Variants in RNLS observed in about 807,000 individuals in gnomAD.
The protein encoded by RNLS is renalase.
In RNLS, 39 loss-of-function variants were observed where a neutral mutation model predicts 39.8. The ratio of observed to expected loss-of-function variants is 0.98; its 90% CI spans 0.76 to 1.28. The LOEUF is 1.28. RNLS is among the 50% of genes most tolerant of loss of function. The probability of loss-of-function intolerance (pLI) is 0.00; values close to 1 mark genes in which losing one functional copy is unlikely to be tolerated. For synonymous variants in RNLS, 147 were observed against 150.7 expected, an observed-to-expected ratio of 0.98 and a Z score of 0.18; for missense variants, 410 against 413.3, an observed-to-expected ratio of 0.99 and a Z score of 0.07.
At chr10:88,563,012 T>A (rs1308687071) in intron 4 of RNLS, among the ~76,000 whole-genome samples, 5 of 152,146 alleles carry the variant, frequency 3.3e-5, no homozygotes, top group African/African-American at 1.2e-4. Context: ...TAATAAGTAA[T>A]GTGTAAGATC....
chr10:88,177,788 C>T, the RNLS span, among the ~76,000 whole-genome samples: 3 of 152,102 alleles, frequency 2.0e-5, no homozygotes, highest in Non-Finnish European at 4.4e-5. Context: ...GTAGGTTGCT[C>T]TGGCTTTGAT....
chr10:88,227,663 GT>G, the RNLS span, among the ~76,000 whole-genome samples: 1 of 152,214 alleles, frequency 6.6e-6, no homozygotes, highest in Non-Finnish European at 1.5e-5. Context: ...GAAAAGAAGA[GT>G]TTTAACCCTT....
At chr10:88,280,808 G>A (rs371124925), downstream of RNLS, among the ~76,000 whole-genome samples, 8 of 152,272 alleles carry the variant, frequency 5.3e-5, no homozygotes, top group East Asian at 3.9e-4. Context: ...GAGATCCATA[G>A]CTTTCTATAG....
the RNLS span, among the ~76,000 whole-genome samples, chr10:88,218,715 C>T: frequency 1.3e-5 from 2 of 152,226 alleles, no homozygotes; most frequent in African/African-American, 2.4e-5. Flanking sequence ...TCACCCCAAA[C>T]AAGGTGGCTG....
At chr10:88,466,029 G>A (rs946029383) in intron 4 of RNLS, among the ~76,000 whole-genome samples, 16 of 152,020 alleles carry the variant, frequency 1.1e-4, no homozygotes, top group African/African-American at 3.9e-4. Context: ...CCACAGTCAG[G>A]CATGAGGTAA....
intron 4 of RNLS, among the ~76,000 whole-genome samples, chr10:88,513,561 T>C (rs1037542171): frequency 6.6e-6 from 1 of 152,280 alleles, no homozygotes; most frequent in Admixed American, 6.6e-5. Flanking sequence ...CATTGTAATT[T>C]TTTATTAATT....
intron 4 of RNLS, among the ~76,000 whole-genome samples, chr10:88,405,005 T>C (rs996001329): frequency 6.6e-6 from 1 of 152,016 alleles, no homozygotes; most frequent in Non-Finnish European, 1.5e-5. Context: ...TCTGGGCTTA[T>C]ATTACAGAAG....
At chr10:88,506,184 C>G (rs147907128) in intron 4 of RNLS, among the ~76,000 whole-genome samples, 11 of 151,816 alleles carry the variant, frequency 7.2e-5, no homozygotes, top group African/African-American at 2.7e-4. Context: ...GTCAAGTTCA[C>G]AAAGAACAAA....
At chr10:88,282,922 G>A (rs749271303), downstream of RNLS, among the ~76,000 whole-genome samples, 1 of 152,164 alleles carries the variant, frequency 6.6e-6, no homozygotes, top group Non-Finnish European at 1.5e-5. Context: ...TGCTCAAGCC[G>A]TTTCTCACTT....
At chr10:88,319,442 T>C (rs1846013814) in intron 5 of RNLS, among the ~76,000 whole-genome samples, 2 of 151,956 alleles carry the variant, frequency 1.3e-5, no homozygotes, top group African/African-American at 4.8e-5. Flanking sequence ...AAATGAAAAG[T>C]CTGAAATGGC....
intron 4 of RNLS, among the ~76,000 whole-genome samples, chr10:88,536,374 C>T (rs1394412356): frequency 2.6e-5 from 4 of 152,198 alleles, no homozygotes; most frequent in South Asian, 2.1e-4. Context: ...GCTTGAATCA[C>T]TACAGTCTTC....
rs1217903555 is a variant in RNLS at position 88,310,824 on chromosome 10, A to AAAAAAG, written c.876+3641_876+3642insCTTTTT. ...GCCAAAAAAAAAAAAAAAAAAAAAA[A>AAAAAAG]AAAGAAAGAAAAGGAAGAGAAAAGG... On this transcript the variant is annotated intron_variant, in intron 6 of 6. Transcript: ENST00000331772. 1.9e-4 allele frequency among the ~76,000 whole-genome samples: 22 copies of AAAAAAG among 113,462 alleles called. 1 individual carries two copies. Among genetic ancestry groups the AAAAAAG allele is most frequent in the Non-Finnish European group, 3.6e-4 (19 of 52,448 alleles). The allele number at this position is 113,462 out of a possible 152,430, so 74.4% of individuals were successfully genotyped here. A position where few individuals can be genotyped will look rare whatever the true frequency, so the allele number is the denominator to read the frequency against.
intron 4 of RNLS, among the ~76,000 whole-genome samples, chr10:88,373,523 C>T (rs1850732343): frequency 6.6e-6 from 1 of 152,090 alleles, no homozygotes; most frequent in Non-Finnish European, 1.5e-5. Flanking sequence ...TAAAATTATG[C>T]TTTCATAACT....
intron 5 of RNLS, among the ~76,000 whole-genome samples, chr10:88,330,092 A>T (rs11202718): frequency 2.0e-3 from 273 of 138,160 alleles, no homozygotes; most frequent in East Asian, 3.3e-3. Context: ...TATATATATA[A>T]ATATAAATAT....
chr10:88,346,780 A>G (rs562043739), intron 5 of RNLS, among the ~76,000 whole-genome samples: 6 of 152,190 alleles, frequency 3.9e-5, no homozygotes, highest in African/African-American at 7.2e-5. Flanking sequence ...TTCAATCTTG[A>G]TCAAGATAAG....
chr10:88,334,965 A>G (rs1023249120), intron 5 of RNLS, among the ~76,000 whole-genome samples: 1 of 152,232 alleles, frequency 6.6e-6, no homozygotes, highest in Non-Finnish European at 1.5e-5. Flanking sequence ...TAACAAATTA[A>G]TTAACGTGAG....
In RNLS at chr10:88,362,562, C is replaced by T. The variant is rs371211886; in HGVS notation, c.690G>A (p.Lys230=). 2.2e-5 allele frequency: 36 copies of T among 1,613,694 alleles called. 1 individual carries two copies. Among genetic ancestry groups the T allele is most frequent in the South Asian group, 1.4e-4 (13 of 91,038 alleles). Residue 230 remains lysine, a synonymous_variant, in exon 5 of 7, where the codon AAG becomes AAA. Transcript: ENST00000331772. The part of the protein sequence containing the change: ...CIRFVSIDNK[K]RNIESSEIGP... ...AATAGGGGTACTGACCTATATTGCG[C>T]TTCTTATTATCAATGGAGACGAAGC...
chr10:88,203,393 T>C, the RNLS span, among the ~76,000 whole-genome samples: 17 of 10,554 alleles, frequency 1.6e-3, 3 homozygotes, highest in African/African-American at 4.9e-3. Flanking sequence ...TATACACGTA[T>C]GTGTATATAT....
intron 6 of RNLS, among the ~76,000 whole-genome samples, chr10:88,279,051 A>T (rs939274561): frequency 2.0e-5 from 3 of 152,214 alleles, no homozygotes; most frequent in Non-Finnish European, 4.4e-5. Context: ...TGGGGTAAGT[A>T]TCACAAGAGT....
Sources: allele counts gnomAD v4.1 joint callset (sites outside exome capture counted in the v4.1 genomes callset), GRCh38; gene constraint gnomAD v4.1.1; transcripts MANE v1.5; gene names NCBI Gene and HGNC (gene_info 2026-07-23, HGNC 2026-07-21).